Variants in BCL11A observed in about 807,000 individuals in gnomAD.
The protein encoded by BCL11A is B cell CLL/lymphoma 11A.
A neutral mutation model predicts 55.9 loss-of-function variants in BCL11A; 2 were observed. The observed-to-expected ratio is 0.04, with a 90% CI of 0.01 to 0.11. BCL11A has a LOEUF of 0.11. BCL11A is among the 10% of genes least tolerant of loss of function. The pLI is 1.00. For synonymous variants in BCL11A, 465 were observed against 473.4 expected (o/e 0.98, Z 0.23); for missense variants, 817 against 1,137.1 (o/e 0.72, Z 4.05).
intron 2 of BCL11A, among the ~76,000 whole-genome samples, chr2:60,492,928 T>C (rs1370613993): frequency 1.3e-5 from 2 of 152,196 alleles, no homozygotes; most frequent in African/African-American, 2.4e-5. Flanking sequence ...AAAATCAAGA[T>C]ACAGAACACG....
chr2:60,495,055 A>C (rs1440867771), intron 2 of BCL11A, among the ~76,000 whole-genome samples: 2 of 152,036 alleles, frequency 1.3e-5, no homozygotes, highest in Non-Finnish European at 2.9e-5. Flanking sequence ...GGGAAGCTTC[A>C]CCTCCTTTAC....
intron 2 of BCL11A, among the ~76,000 whole-genome samples, chr2:60,502,386 G>C (rs1482325379): frequency 6.6e-6 from 1 of 152,210 alleles, no homozygotes; most frequent in Non-Finnish European, 1.5e-5. Flanking sequence ...ATCGGAAAAA[G>C]TCTCAGCCTA....
At chr2:60,470,790 T>G (rs977906423) in intron 2 of BCL11A, among the ~76,000 whole-genome samples, 50 of 152,174 alleles carry the variant, frequency 3.3e-4, no homozygotes, top group African/African-American at 1.1e-3. Context: ...TCTGGCAGCA[T>G]AGTTTGTTTT....
rs757661194 is a variant in BCL11A at position 60,461,280 on chromosome 2, G to A, written c.1632C>T (p.Pro544=). The A allele has an allele frequency of 5.6e-6, 9 of 1,605,208 alleles. No homozygotes were observed. Among genetic ancestry groups the A allele is most frequent in the South Asian group, 1.1e-5 (1 of 90,980 alleles). The part of the protein sequence containing the change: ...VGVGDESRAL[P]DVMQGMVLSS... Reference sequence around the variant, plus strand: ...TGAGCACCATGCCCTGCATGACGTCGGGCAGGGCGCGGCTCTCGTCGCCCA... The same window carrying A: ...TGAGCACCATGCCCTGCATGACGTCAGGCAGGGCGCGGCTCTCGTCGCCCA... The change falls in exon 4 of 4, where the codon CCC becomes CCT. Residue 544 remains proline, a synonymous_variant. Coordinates refer to ENST00000642384, the MANE Select transcript of BCL11A (RefSeq NM_022893.4).
intron 3 of BCL11A, among the ~76,000 whole-genome samples, chr2:60,468,435 G>C (rs546379075): frequency 6.6e-6 from 1 of 152,210 alleles, no homozygotes; most frequent in African/African-American, 2.4e-5. Flanking sequence ...ATGGGCTCCA[G>C]AGGCACAGGC....
intron 2 of BCL11A, among the ~76,000 whole-genome samples, chr2:60,503,969 G>A (rs1049493827): frequency 6.6e-6 from 1 of 152,158 alleles, no homozygotes; most frequent in African/African-American, 2.4e-5. Context: ...GGCAGAGAGG[G>A]AATGAAAGAC....
chr2:60,508,211 A>AAAC (rs558493569), intron 2 of BCL11A, among the ~76,000 whole-genome samples: 6 of 152,024 alleles, frequency 3.9e-5, no homozygotes, highest in African/African-American at 7.2e-5. Context: ...CCCCACCCCC[A>AAAC]AACAACAACA....
chr2:60,488,268 A>G (rs1334500370), intron 2 of BCL11A, among the ~76,000 whole-genome samples: 2 of 152,264 alleles, frequency 1.3e-5, no homozygotes, highest in African/African-American at 4.8e-5. Flanking sequence ...GTCTCCAAGA[A>G]TTCAGACTGT....
At chr2:60,498,270 C>T (rs1172596199) in intron 2 of BCL11A, among the ~76,000 whole-genome samples, 1 of 151,852 alleles carries the variant, frequency 6.6e-6, no homozygotes, top group African/African-American at 2.4e-5. Flanking sequence ...ACCAGCAGGG[C>T]CTGTCAGAAG....
intron 3 of BCL11A, among the ~76,000 whole-genome samples, chr2:60,467,102 G>GTGGTGGTAGTGA (rs1558618061): frequency 1.4e-5 from 2 of 147,074 alleles, no homozygotes; most frequent in Admixed American, 6.7e-5. Context: ...GGTGATGATG[G>GTGGTGGTAGTGA]TGGTGGTAGT....
Position 60,553,273 on chromosome 2 carries a change from T to C in BCL11A, c.-3A>G, listed in dbSNP as rs944084718. On this transcript the variant is annotated 5_prime_UTR_variant, in exon 1 of 4. Transcript: ENST00000642384. ...TTGCCTTGCTTGCGGCGAGACATGG[T>C]GGGCTGCGGGGCGGGCGGCGGCGGC... 1.9e-6 allele frequency: 3 copies of C among 1,578,668 alleles called. No individual in the cohort carries two copies. The highest frequency in any genetic ancestry group is 2.8e-5 in the African/African-American group (2 of 71,712).
chr2:60,466,595 A>G (rs1046945803), intron 3 of BCL11A, among the ~76,000 whole-genome samples: 3 of 152,208 alleles, frequency 2.0e-5, no homozygotes, highest in African/African-American at 7.2e-5. Context: ...AGGATTACCT[A>G]GGAGTTAACA....
intron 2 of BCL11A, among the ~76,000 whole-genome samples, chr2:60,538,837 C>T (rs1021596952): frequency 1.3e-5 from 2 of 151,172 alleles, no homozygotes; most frequent in South Asian, 4.2e-4. Flanking sequence ...ACTGTACTCC[C>T]TTTGTTCAAA....
intron 2 of BCL11A, among the ~76,000 whole-genome samples, chr2:60,488,966 G>A (rs772526644): frequency 2.6e-5 from 4 of 152,196 alleles, no homozygotes; most frequent in African/African-American, 7.2e-5. Context: ...CTCCATGTTG[G>A]TCAGGCTGGT....
intron 1 of BCL11A, among the ~76,000 whole-genome samples, chr2:60,552,958 G>A (rs1321266676): frequency 6.6e-6 from 1 of 151,998 alleles, no homozygotes; most frequent in Non-Finnish European, 1.5e-5. Flanking sequence ...AAGGAGGAAA[G>A]AGGAGGAGTC....
chr2:60,464,345 T>C (rs961630161), intron 3 of BCL11A, among the ~76,000 whole-genome samples: 3 of 152,230 alleles, frequency 2.0e-5, no homozygotes, highest in Admixed American at 6.5e-5. Context: ...AAAAGCTTCA[T>C]TGAGAACATT....
intron 2 of BCL11A, chr2:60,526,864 G>A (rs777245117): frequency 2.6e-5 from 4 of 152,208 alleles, no homozygotes; most frequent in Non-Finnish European, 2.9e-5. Context: ...CCCAGCCAAC[G>A]CATTCTTAAG....
chr2:60,459,040 G>A lies in BCL11A; in HGVS notation c.*1364C>T. The A allele has an allele frequency of 9.8e-7, 1 of 1,018,210 alleles. No homozygotes were observed. Among genetic ancestry groups the A allele is most frequent in the Non-Finnish European group, 1.2e-6 (1 of 847,062 alleles). 63.1% of individuals were successfully genotyped at this position (1,018,210 alleles called of 1,614,324 possible). On this transcript the variant is annotated 3_prime_UTR_variant, in exon 4 of 4. Coordinates refer to ENST00000642384, the MANE Select transcript of BCL11A (RefSeq NM_022893.4). ...TGTCACATTTAAATGCAAGTCTTAA[G>A]AATTCATAGTTAATCATCATTGTAT...
At chr2:60,471,058 T>G (rs1034024894) in intron 2 of BCL11A, among the ~76,000 whole-genome samples, 2 of 152,188 alleles carry the variant, frequency 1.3e-5, no homozygotes, top group African/African-American at 4.8e-5. Flanking sequence ...AAGGTCCTGT[T>G]TCTACTGATC....
Sources: gnomAD v4.1 joint callset for allele counts (sites outside exome capture counted in the v4.1 genomes callset) on GRCh38, gnomAD v4.1.1 for gene constraint, MANE v1.5 for transcripts, NCBI Gene and HGNC (gene_info 2026-07-23, HGNC 2026-07-21) for gene names.